Variants in PMS1 observed in about 807,000 individuals in gnomAD.
PMS1 encodes PMS1 homolog 1, mismatch repair system component.
A neutral mutation model predicts 93.1 loss-of-function variants in PMS1; 79 were observed. The ratio of observed to expected loss-of-function variants is 0.85; its 90% CI spans 0.71 to 1.02. The LOEUF (loss-of-function observed/expected upper bound fraction) is 1.02. Ranked by LOEUF, PMS1 falls within the 50% of genes least tolerant of loss-of-function variation. The pLI is 0.00. For synonymous variants in PMS1, 335 were observed against 363.4 expected, an observed-to-expected ratio of 0.92 and a Z score of 0.89; for missense variants, 1,064 against 1,085.3, an observed-to-expected ratio of 0.98 and a Z score of 0.28.
At chr2:189,819,132 G>T (rs566716452) in intron 5 of PMS1, among the ~76,000 whole-genome samples, 4 of 152,244 alleles carry the variant, frequency 2.6e-5, no homozygotes, top group African/African-American at 9.6e-5. Context: ...ACTTATAAGT[G>T]AAAACATGCA....
rs772959693 is a variant in PMS1, at chr2:189,853,978, T to C, written c.862T>C (p.Ser288Pro). 3.1e-6 allele frequency: 5 copies of C among 1,605,000 alleles called. No homozygotes were observed. In the Admixed American group the frequency reaches 8.4e-5, roughly 27 times the overall value. The change falls in exon 8 of 13, where the codon TCT becomes CCT. Residue 288 changes from serine to proline, a missense_variant. Coordinates refer to ENST00000441310, the MANE Select transcript of PMS1 (RefSeq NM_000534.5). ...HHYNLKCLKE[S>P]TRLYPVFFLK... ...TTACAATCTGAAATGCCTAAAGGAA[T>C]CTACTCGTTTGTATCCTGTTTTCTT...
chr2:189,872,525 C>T (rs1308797073), intron 11 of PMS1, among the ~76,000 whole-genome samples: 2 of 152,164 alleles, frequency 1.3e-5, no homozygotes, highest in African/African-American at 4.8e-5. Flanking sequence ...TTGCTATGTT[C>T]CAAAAATATG....
chr2:189,856,563 T>C (rs1248883819), intron 9 of PMS1, among the ~76,000 whole-genome samples: 1 of 152,160 alleles, frequency 6.6e-6, no homozygotes, highest in Non-Finnish European at 1.5e-5. Context: ...TGATTGTCTT[T>C]AGTTTTACCT....
intron 5 of PMS1, among the ~76,000 whole-genome samples, chr2:189,823,500 G>C (rs2052144821): frequency 6.6e-6 from 1 of 151,692 alleles, no homozygotes; most frequent in Admixed American, 6.6e-5. Flanking sequence ...TTCGATTAAG[G>C]GGATGATTTT....
At chr2:189,834,846 C>T (rs2053250523) in intron 5 of PMS1, among the ~76,000 whole-genome samples, 2 of 152,126 alleles carry the variant, frequency 1.3e-5, no homozygotes, top group Admixed American at 1.3e-4. Context: ...CCTCCTACCT[C>T]AGCCTTCTGA....
intron 9 of PMS1, among the ~76,000 whole-genome samples, chr2:189,863,192 T>G (rs1000978113): frequency 1.3e-5 from 2 of 151,742 alleles, no homozygotes; most frequent in Admixed American, 6.6e-5. Context: ...TAATTGAGGG[T>G]TTTTTGTTTG....
At chr2:189,859,748 T>C (rs5743155) in intron 9 of PMS1, among the ~76,000 whole-genome samples, 1,881 of 152,244 alleles carry the variant, frequency 0.012, 34 homozygotes, top group African/African-American at 0.04. Context: ...ACCTTTGAAA[T>C]TGAGTTAAAT....
chr2:189,803,092 G>A (rs2050036502), intron 3 of PMS1, among the ~76,000 whole-genome samples: 1 of 151,992 alleles, frequency 6.6e-6, no homozygotes, highest in Non-Finnish European at 1.5e-5. Context: ...GCAAAAGTCT[G>A]TATTTCACCT....
intron 3 of PMS1, among the ~76,000 whole-genome samples, chr2:189,800,107 GGTGCT>G (rs2049755638): frequency 6.6e-6 from 1 of 152,142 alleles, no homozygotes; most frequent in Admixed American, 6.5e-5. Context: ...ACGCATGCAG[GGTGCT>G]GCACTAGGTA....
At chr2:189,851,278 C>T (rs1003174498) in intron 6 of PMS1, among the ~76,000 whole-genome samples, 2 of 152,080 alleles carry the variant, frequency 1.3e-5, no homozygotes, top group African/African-American at 4.8e-5. Context: ...CATATTTCTT[C>T]TTCATTTTAT....
intron 10 of PMS1, among the ~76,000 whole-genome samples, chr2:189,866,599 A>G (rs2056679254): frequency 6.6e-6 from 1 of 152,202 alleles, no homozygotes; most frequent in South Asian, 2.1e-4. Flanking sequence ...GGAATAATTT[A>G]GGTACCTATA....
intron 11 of PMS1, among the ~76,000 whole-genome samples, chr2:189,870,162 T>G (rs2057024369): frequency 6.6e-6 from 1 of 152,190 alleles, no homozygotes; most frequent in Non-Finnish European, 1.5e-5. Context: ...TTTCTTTGTT[T>G]TTTTATTTTT....
At chr2:189,820,302 C>T (rs965821564) in intron 5 of PMS1, among the ~76,000 whole-genome samples, 39 of 149,542 alleles carry the variant, frequency 2.6e-4, no homozygotes, top group African/African-American at 9.1e-4. Flanking sequence ...TGCTCTCTTC[C>T]TTTTTTTTTT....
chr2:189,814,884 T>C (rs1005843053), intron 4 of PMS1, among the ~76,000 whole-genome samples: 34 of 151,860 alleles, frequency 2.2e-4, no homozygotes, highest in African/African-American at 7.7e-4. Context: ...GATCACGAGG[T>C]CAGGAGATCG....
intron 5 of PMS1, among the ~76,000 whole-genome samples, chr2:189,843,747 AG>A (rs1295896200): frequency 6.6e-6 from 1 of 152,206 alleles, no homozygotes; most frequent in African/African-American, 2.4e-5. Flanking sequence ...ACCAAGGTAA[AG>A]GGAAGTTAAA....
intron 6 of PMS1, among the ~76,000 whole-genome samples, chr2:189,849,829 G>A (rs1482784571): frequency 6.7e-6 from 1 of 150,306 alleles, no homozygotes; most frequent in African/African-American, 2.5e-5. Context: ...TTGTGACTCT[G>A]GCAAGCAGCT....
At chr2:189,850,986 G>A (rs60386871) in intron 6 of PMS1, among the ~76,000 whole-genome samples, 2 of 152,042 alleles carry the variant, frequency 1.3e-5, no homozygotes, top group East Asian at 3.9e-4. Context: ...TGCTTTTTAG[G>A]AAATTGAGGA....
chr2:189,857,573 C>CT (rs2106476575), intron 9 of PMS1: 5 of 402,866 alleles, frequency 1.2e-5, no homozygotes, highest in East Asian at 7.6e-5. Context: ...CTTCCTTCTT[C>CT]TTTTTTTCTT....
At position 189,818,001 on chromosome 2, in the gene PMS1, T is replaced by A. The variant is rs774391193; in HGVS notation, c.419-16T>A. ...CCTTCCAAATCTAAATGTGCTTTTC[T>A]CTTGTCTGCCAACAGGTACAACTGT... On this transcript the variant is annotated splice_polypyrimidine_tract_variant and intron_variant, in intron 4 of 12. Coordinates refer to ENST00000441310, the MANE Select transcript of PMS1 (RefSeq NM_000534.5). 6.3e-7 allele frequency: 1 copy of A among 1,595,628 alleles called. No homozygotes were observed. The highest frequency in any genetic ancestry group is 1.1e-5 in the South Asian group (1 of 90,194).
Sources: gnomAD v4.1 joint callset for allele counts (sites outside exome capture counted in the v4.1 genomes callset) on GRCh38, gnomAD v4.1.1 for gene constraint, MANE v1.5 for transcripts, NCBI Gene and HGNC (gene_info 2026-07-23, HGNC 2026-07-21) for gene names.